RBFOX3: variants seen among roughly 807,000 people sequenced by gnomAD.
RBFOX3 encodes RNA binding fox-1 homolog 3.
In RBFOX3, 17 loss-of-function variants were observed where a neutral mutation model predicts 48.7. The observed-to-expected ratio is 0.35, with a 90% confidence interval of 0.24 to 0.52. RBFOX3 has a LOEUF of 0.52. RBFOX3 is among the 20% of genes least tolerant of loss of function. The pLI is 0.94. For synonymous variants in RBFOX3, 212 were observed against 209.5 expected, an observed-to-expected ratio of 1.01 and a Z score of -0.10; for missense variants, 382 against 497.5, an observed-to-expected ratio of 0.77 and a Z score of 2.21.
At chr17:79,093,845 G>A (rs1286425744) in intron 14 of RBFOX3, among the ~76,000 whole-genome samples, 2 of 149,650 alleles carry the variant, frequency 1.3e-5, no homozygotes, top group Non-Finnish European at 3.0e-5. Flanking sequence ...GCCACGCCGC[G>A]CACCTCCCCG....
At chr17:79,127,218 G>A (rs746828878) in intron 4 of RBFOX3, among the ~76,000 whole-genome samples, 5 of 152,208 alleles carry the variant, frequency 3.3e-5, no homozygotes, top group Non-Finnish European at 5.9e-5. Flanking sequence ...GAGGGGCTGG[G>A]AGCAGCTTCA....
At chr17:79,163,437 C>A (rs2047370105) in intron 4 of RBFOX3, among the ~76,000 whole-genome samples, 1 of 152,204 alleles carries the variant, frequency 6.6e-6, no homozygotes, top group South Asian at 2.1e-4. Flanking sequence ...AGTGGAGAGG[C>A]CAGGGCATCC....
chr17:79,410,773 C>A (rs1278801602), intron 2 of RBFOX3, among the ~76,000 whole-genome samples: 2 of 152,198 alleles, frequency 1.3e-5, no homozygotes, highest in African/African-American at 4.8e-5. Context: ...CCTCCTGCCT[C>A]CTGCTTCCTG....
At chr17:79,100,946 G>C (rs1040816291) in intron 9 of RBFOX3, among the ~76,000 whole-genome samples, 1 of 152,166 alleles carries the variant, frequency 6.6e-6, no homozygotes, top group Non-Finnish European at 1.5e-5. Flanking sequence ...TCAGCCTGGG[G>C]CCTCAGGGCC....
rs963353021 is a variant in RBFOX3 at position 79,391,283 on chromosome 17, G to A, written c.-174-83459C>T. ...CCCCCAAGCTGGGGTCTCAGCTCCA[G>A]CACCTCTCACCTGACCCTCAATGAC... On this transcript the variant is annotated intron_variant, in intron 2 of 14. Coordinates refer to ENST00000693108, the MANE Select transcript of RBFOX3 (RefSeq NM_001350451.2). The surrounding 1 kb of genome is among the most constrained non-coding windows in gnomAD (Gnocchi z 5.0). Among the ~76,000 whole-genome samples the A allele has an allele frequency of 2.6e-5, 4 of 152,080 alleles. No homozygotes were observed. Among genetic ancestry groups the A allele is most frequent in the African/African-American group, 7.2e-5 (3 of 41,400 alleles).
intron 3 of RBFOX3, among the ~76,000 whole-genome samples, chr17:79,298,803 G>T (rs1435943786): frequency 6.6e-6 from 1 of 152,196 alleles, no homozygotes; most frequent in Non-Finnish European, 1.5e-5. Flanking sequence ...AGCTGGAGTG[G>T]TTTCTCAACA....
At chr17:79,478,544 C>T (rs1394572919) in intron 2 of RBFOX3, among the ~76,000 whole-genome samples, 1 of 152,258 alleles carries the variant, frequency 6.6e-6, no homozygotes, top group East Asian at 1.9e-4. Flanking sequence ...TCCCCAAAAA[C>T]ATCTAGAGAA....
intron 2 of RBFOX3, among the ~76,000 whole-genome samples, chr17:79,397,461 C>T (rs991950697): frequency 2.0e-5 from 3 of 151,596 alleles, no homozygotes; most frequent in Non-Finnish European, 4.4e-5. Context: ...CCACTGCCCT[C>T]CAGCCTGGGC....
At chr17:79,182,596 G>C (rs998225697) in intron 4 of RBFOX3, among the ~76,000 whole-genome samples, 23 of 150,386 alleles carry the variant, frequency 1.5e-4, no homozygotes, top group Non-Finnish European at 2.8e-4. Context: ...ACCTCCCCAC[G>C]GGGCATCCTG....
chr17:79,594,491 A>C (rs2093513695), intron 1 of RBFOX3, among the ~76,000 whole-genome samples: 1 of 152,128 alleles, frequency 6.6e-6, no homozygotes, highest in East Asian at 1.9e-4. Context: ...TGACTTCAGA[A>C]GCTGTCCACT....
chr17:79,552,879 A>G (rs985977586), intron 1 of RBFOX3, among the ~76,000 whole-genome samples: 5 of 152,192 alleles, frequency 3.3e-5, no homozygotes, highest in African/African-American at 1.2e-4. Flanking sequence ...ACATAGGATT[A>G]CCTTGTTGGT....
Position 79,125,896 on chromosome 17 carries a change from G to A in RBFOX3, c.-33-10148C>T, listed in dbSNP as rs1224973456. Among the ~76,000 whole-genome samples, 12 of 152,350 alleles carry A rather than the reference G, an allele frequency of 7.9e-5. No homozygotes were observed. The East Asian group carries it at 2.1e-3, about 27-fold the overall frequency. On this transcript the variant is annotated intron_variant, in intron 4 of 14. Coordinates refer to ENST00000693108, the MANE Select transcript of RBFOX3 (RefSeq NM_001350451.2). ...GGCCCCATCCGCCGAGCTGTGAGGT[G>A]TGTCACAGCCTGTGCCACCCATGCA...
In RBFOX3 at chr17:79,523,977, G is replaced by A. The variant is rs945570569; in HGVS notation, c.-319-41379C>T. Among the ~76,000 whole-genome samples, 426 of 152,194 alleles carry A rather than the reference G, an allele frequency of 2.8e-3. 7 individuals are homozygous for A. In the South Asian group the frequency reaches 0.048, roughly 17 times the overall value. On this transcript the variant is annotated intron_variant, in intron 1 of 14. Transcript: ENST00000693108. ...CTTTCACAGCCTCAAGTGGAGGTTC[G>A]GGTTTCTGTCCTGCCCTCATGACCC... is the stretch of plus-strand genomic sequence containing the variant.
intron 4 of RBFOX3, among the ~76,000 whole-genome samples, chr17:79,143,779 C>T (rs2042421288): frequency 6.6e-6 from 1 of 152,204 alleles, no homozygotes; most frequent in Non-Finnish European, 1.5e-5. Flanking sequence ...GTGGTGCCCT[C>T]GGAGCCCCTC....
intron 4 of RBFOX3, among the ~76,000 whole-genome samples, chr17:79,142,382 A>G (rs2042087040): frequency 6.6e-6 from 1 of 152,182 alleles, no homozygotes; most frequent in Admixed American, 6.5e-5. Context: ...CTGAAAAATC[A>G]ATTTTTAATT....
Position 79,256,959 on chromosome 17 carries a change from C to A in RBFOX3, c.-73-21154G>T, listed in dbSNP as rs1192001131. On this transcript the variant is annotated intron_variant, in intron 3 of 14. Coordinates refer to ENST00000693108, the MANE Select transcript of RBFOX3 (RefSeq NM_001350451.2). The stretch of plus-strand genomic sequence containing the variant: ...CAAACAAAACAAAACAAAAAAAAAA[C>A]AAAAAAAAGAAAAAGAAAAGGAAAG... 7.7e-3 allele frequency among the ~76,000 whole-genome samples: 1,005 copies of A among 130,830 alleles called. 12 individuals are homozygous for A. Among genetic ancestry groups the A allele is most frequent in the African/African-American group, 0.024 (884 of 37,612 alleles). The allele number at this position is 130,830 out of a possible 152,430, so 85.8% of individuals were successfully genotyped here.
chr17:79,333,296 GA>G (rs1213252775), intron 2 of RBFOX3, among the ~76,000 whole-genome samples: 3 of 152,160 alleles, frequency 2.0e-5, no homozygotes, highest in Non-Finnish European at 4.4e-5. Flanking sequence ...TTCATTAAAA[GA>G]AAAAAGTTGC....
intron 3 of RBFOX3, among the ~76,000 whole-genome samples, chr17:79,303,851 C>CTGTGTGTGTG (rs34981785): frequency 3.1e-4 from 46 of 147,874 alleles, no homozygotes; most frequent in East Asian, 2.6e-3. Flanking sequence ...GCATGTCTGC[C>CTGTGTGTGTG]TGTGTGTGTG....
rs2057305391 is a variant in RBFOX3 at position 79,204,989 on chromosome 17, G to A, written c.-34+30777C>T. 6.6e-6 allele frequency among the ~76,000 whole-genome samples: 1 copy of A among 152,120 alleles called. No individual in the cohort carries two copies. The highest frequency in any genetic ancestry group is 1.5e-5 in the Non-Finnish European group (1 of 68,026). On this transcript the variant is annotated intron_variant, in intron 4 of 14. Transcript: ENST00000693108. This position sits in a 1 kb window ranked among gnomAD's most constrained non-coding sequence, Gnocchi z 4.5. ...TTATATAGCCAGGAAAAAATCAAGAGCTAGAGAGCAGAGAACTCCTCAGTC... is the reference window on the plus strand; with the variant it reads ...TTATATAGCCAGGAAAAAATCAAGAACTAGAGAGCAGAGAACTCCTCAGTC...
Sources: gnomAD v4.1 joint callset for allele counts (sites outside exome capture counted in the v4.1 genomes callset) on GRCh38, gnomAD v4.1.1 for gene constraint, Gnocchi (gnomAD v3.1) non-coding constraint, MANE v1.5 for transcripts, NCBI Gene and HGNC (gene_info 2026-07-23, HGNC 2026-07-21) for gene names.